FOXN4: variants seen among roughly 807,000 people sequenced by gnomAD.
FOXN4 encodes forkhead box N4.
FOXN4 carries 12 observed loss-of-function variants against 45.0 expected under a neutral mutation model. The observed-to-expected ratio is 0.27, with a 90% CI of 0.17 to 0.43. The LOEUF is 0.43. Ranked by LOEUF, FOXN4 falls within the 20% of genes least tolerant of loss-of-function variation. FOXN4 has a pLI of 1.00. For missense variants in FOXN4, 560 were observed against 694.9 expected (o/e 0.81, Z 2.18); for synonymous variants, 297 against 295.0 (o/e 1.01, Z -0.07).
intron 2 of FOXN4, among the ~76,000 whole-genome samples, chr12:109,307,440 G>C (rs2047931812): frequency 6.6e-6 from 1 of 152,166 alleles, no homozygotes; most frequent in South Asian, 2.1e-4. Flanking sequence ...GGGGACTCCA[G>C]GTCCTTCCTT....
intron 2 of FOXN4, among the ~76,000 whole-genome samples, chr12:109,306,574 TTCATAGATAATATGATACATATA>T (rs1309544389): frequency 6.6e-6 from 1 of 152,198 alleles, no homozygotes; most frequent in Admixed American, 6.5e-5. Flanking sequence ...GTCAGGTGCC[TTCATAGATAATATGATACATATA>T]TCATTTAACC....
At chr12:109,304,908 G>T (rs1283781512) in intron 2 of FOXN4, among the ~76,000 whole-genome samples, 1 of 152,152 alleles carries the variant, frequency 6.6e-6, no homozygotes, top group Non-Finnish European at 1.5e-5. Flanking sequence ...TCTCTCCCAG[G>T]CCCCTCTGAA....
Position 109,281,503 on chromosome 12 carries a change from T to G in FOXN4, c.1198A>C (p.Met400Leu), listed in dbSNP as rs1301686764. ...ATGAAGTCTACAGGAGCCCTTCCCA[T>G]GGCGGGGTGGGGGAGCGGGCTGGGG... ...LSPSPLPHPA[M>L]GRAPVDFINI... The change falls in exon 9 of 10, where the codon ATG becomes CTG. Residue 400 changes from methionine to leucine, a missense_variant. Transcript: ENST00000299162. 1 of 1,613,744 alleles carries G rather than the reference T, an allele frequency of 6.2e-7. No individual in the cohort carries two copies. The highest frequency in any genetic ancestry group is 2.2e-5 in the East Asian group (1 of 44,862).
chr12:109,293,655 G>A (rs1043137605), intron 2 of FOXN4, among the ~76,000 whole-genome samples: 13 of 152,154 alleles, frequency 8.5e-5, no homozygotes, highest in Non-Finnish European at 1.8e-4. Context: ...GCGCCACCAC[G>A]CTGGGCTAAT....
chr12:109,282,972 A>G (rs187348968), intron 8 of FOXN4, among the ~76,000 whole-genome samples: 63 of 151,024 alleles, frequency 4.2e-4, no homozygotes, highest in African/African-American at 1.4e-3. Flanking sequence ...TACCCCCTCA[A>G]CTGAGGGACC....
At chr12:109,306,669 G>A (rs541202402) in intron 2 of FOXN4, among the ~76,000 whole-genome samples, 67 of 152,316 alleles carry the variant, frequency 4.4e-4, no homozygotes, top group Non-Finnish European at 8.7e-4. Flanking sequence ...AGGTGAATCT[G>A]CTCATAATTG....
Position 109,290,223 on chromosome 12 carries a change from C to T in FOXN4, c.150G>A (p.Thr50=), listed in dbSNP as rs1049926460. The T allele has an allele frequency of 8.4e-6, 13 of 1,551,482 alleles. No homozygotes were observed. Among genetic ancestry groups the T allele is most frequent in the South Asian group, 1.2e-5 (1 of 84,042 alleles). ...GCTGCAGCCGAGGCACATCCACCGC[C>T]GTGAGCCACGACAGCGACTGCAGGT... The part of the protein sequence containing the change: ...PGDLQSLSWL[T]AVDVPRLQQM... The change falls in exon 3 of 10, where the codon ACG becomes ACA. Residue 50 remains threonine (T), a synonymous_variant. Coordinates refer to ENST00000299162, the MANE Select transcript of FOXN4 (RefSeq NM_213596.3). This position sits in a 1 kb window ranked among gnomAD's most constrained non-coding sequence, Gnocchi z 5.1.
chr12:109,278,216 G>A lies in FOXN4; in HGVS notation c.*1455C>T, dbSNP rs970348112. ...AAACTTAAAGCTCGCCCTTCAAGGC[G>A]GGGCTTAATGCCAAAACTCCCAGGC... On this transcript the variant is annotated 3_prime_UTR_variant, in exon 10 of 10. Transcript: ENST00000299162. 3 of 152,336 alleles carry A rather than the reference G, an allele frequency of 2.0e-5. No individual in the cohort carries two copies. Among genetic ancestry groups the A allele is most frequent in the African/African-American group, 7.2e-5 (3 of 41,578 alleles). The allele number at this position is 152,336 out of a possible 1,614,324, so 9.4% of individuals were successfully genotyped here.
At chr12:109,302,626 C>G (rs1185793073) in intron 2 of FOXN4, among the ~76,000 whole-genome samples, 1 of 152,164 alleles carries the variant, frequency 6.6e-6, no homozygotes, top group Non-Finnish European at 1.5e-5. Context: ...TAAGACAAAG[C>G]CAGACACATA....
rs1434213780 is a variant in FOXN4 at position 109,287,539 on chromosome 12, G to T, written c.469-15C>A. On this transcript the variant is annotated splice_polypyrimidine_tract_variant and intron_variant, in intron 5 of 9. Transcript: ENST00000299162. The surrounding 1 kb of genome is among the most constrained non-coding windows in gnomAD (Gnocchi z 4.1). The stretch of plus-strand genomic sequence containing the variant: ...ACAGGAGGGCACTTCCCACAGGCAG[G>T]GGCAGGGAGAAAGTGGCAGAGAAAG... 7 of 1,510,272 alleles carry T rather than the reference G, an allele frequency of 4.6e-6. No homozygotes were observed. The highest frequency in any genetic ancestry group is 6.2e-6 in the Non-Finnish European group (7 of 1,130,734). 93.6% of individuals were successfully genotyped at this position (1,510,272 alleles called of 1,614,324 possible). A position where few individuals can be genotyped will look rare whatever the true frequency, so the allele number is the denominator to read the frequency against.
At chr12:109,280,036 C>A (rs2047637733) in intron 9 of FOXN4, 106 bp from the exon 10 acceptor site, 2 of 1,498,644 alleles carry the variant, frequency 1.3e-6, no homozygotes, top group Non-Finnish European at 1.8e-6. Flanking sequence ...GTGTCTAAGT[C>A]ATGTGTTGTA....
At position 109,288,013 on chromosome 12, in the gene FOXN4, G is replaced by T. The variant is rs1412283258; in HGVS notation, c.357+43C>A. On this transcript the variant is annotated intron_variant, in intron 4 of 9. Transcript: ENST00000299162. The surrounding 1 kb of genome is among the most constrained non-coding windows in gnomAD (Gnocchi z 4.3). ...ACGGTGGGGGTAGACACCCAGTCTG[G>T]AGGGCACTACCCGCCCTCCGCAGTC... 1 of 1,549,842 alleles carries T rather than the reference G, an allele frequency of 6.5e-7. No homozygotes were observed. The highest frequency in any genetic ancestry group is 8.7e-7 in the Non-Finnish European group (1 of 1,146,822).
At position 109,279,496 on chromosome 12, in the gene FOXN4, GAGA is replaced by G. The variant is rs1388369956; in HGVS notation, c.*172_*174del. The G allele has an allele frequency of 9.4e-5, 88 of 939,688 alleles. No individual in the cohort carries two copies. The highest frequency in any genetic ancestry group is 3.4e-4 in the Middle Eastern group (1 of 2,960). 58.2% of individuals were successfully genotyped at this position (939,688 alleles called of 1,614,324 possible). On this transcript the variant is annotated 3_prime_UTR_variant, in exon 10 of 10. Transcript: ENST00000299162. ...CTCCGGAAGCTCCAGGGGGAGGCAC[GAGA>G]AGGAGAGGGGCTGCTGAGGGGAACC...
In FOXN4 at chr12:109,285,270, T is replaced by TGC. The variant is rs33932454; in HGVS notation, c.901+33_901+34insGC. The stretch of plus-strand genomic sequence containing the variant: ...GTGTGTGTGTGTGTGTGTGTGTGTG[T>TGC]GTGTGCGCGCACTGCGGGCTGTCCG... On this transcript the variant is annotated intron_variant, in intron 8 of 9. Transcript: ENST00000299162. The TGC allele has an allele frequency of 1.1e-4, 175 of 1,543,098 alleles. 2 individuals carry two copies. In the East Asian group the frequency reaches 1.3e-3, roughly 11 times the overall value.
At position 109,290,593 on chromosome 12, in the gene FOXN4, T is replaced by C. The variant is rs906268034; in HGVS notation, c.87-307A>G. The stretch of plus-strand genomic sequence containing the variant: ...ACCAGTGCCAGACACCGATCAAGCC[T>C]TTTTACACTCCCAGTCACCCTATGA... On this transcript the variant is annotated intron_variant, in intron 2 of 9. Coordinates refer to ENST00000299162, the MANE Select transcript of FOXN4 (RefSeq NM_213596.3). The surrounding 1 kb of genome is among the most constrained non-coding windows in gnomAD (Gnocchi z 5.1). Among the ~76,000 whole-genome samples the C allele has an allele frequency of 6.6e-6, 1 of 152,184 alleles. No individual in the cohort carries two copies. The highest frequency in any genetic ancestry group is 2.4e-5 in the African/African-American group (1 of 41,440).
chr12:109,292,731 C>T (rs768941740), intron 2 of FOXN4, among the ~76,000 whole-genome samples: 4 of 152,142 alleles, frequency 2.6e-5, no homozygotes, highest in Non-Finnish European at 4.4e-5. Flanking sequence ...CGACATGCCC[C>T]GGCCACTGCT....
chr12:109,298,722 AC>A (rs2136940387), intron 2 of FOXN4, among the ~76,000 whole-genome samples: 1 of 152,056 alleles, frequency 6.6e-6, no homozygotes, highest in Admixed American at 6.5e-5. Context: ...CTGCAGGTGA[AC>A]CCCCTGGGAG....
At chr12:109,280,365 A>C (rs1232865825) in intron 9 of FOXN4, among the ~76,000 whole-genome samples, 1 of 150,290 alleles carries the variant, frequency 6.7e-6, no homozygotes, top group Non-Finnish European at 1.5e-5. Context: ...AAAAAAAAAA[A>C]AGCATGGAAG....
intron 1 of FOXN4, 145 bp from the exon 2 acceptor site, chr12:109,308,469 G>C: frequency 1.8e-6 from 1 of 543,476 alleles, no homozygotes; most frequent in Non-Finnish European, 3.2e-6. Flanking sequence ...AAAAGTTCTA[G>C]AGGATTCCTG....
Sources: allele counts gnomAD v4.1 joint callset (sites outside exome capture counted in the v4.1 genomes callset), GRCh38; gene constraint gnomAD v4.1.1; non-coding constraint Gnocchi (gnomAD v3.1); transcripts MANE v1.5; gene names NCBI Gene and HGNC (gene_info 2026-07-23, HGNC 2026-07-21).